The following NEU3 variants were observed in gnomAD, a reference collection of about 807,000 sequenced individuals.
NEU3 encodes the protein sialidase-3.
In NEU3, 10 loss-of-function variants were observed where a neutral mutation model predicts 11.4. The ratio of observed to expected loss-of-function variants is 0.88; its 90% CI spans 0.54 to 1.49. The LOEUF (loss-of-function observed/expected upper bound fraction) is 1.49. NEU3 is among the 40% of genes most tolerant of loss of function. NEU3 has a pLI of 0.00. For missense variants in NEU3, 529 were observed against 581.8 expected (o/e 0.91, Z 0.93); for synonymous variants, 212 against 228.2 (o/e 0.93, Z 0.64).
chr11:74,987,304 TTC>T (rs1948674984), upstream of NEU3, among the ~76,000 whole-genome samples: 1 of 152,196 alleles, frequency 6.6e-6, no homozygotes, highest in Non-Finnish European at 1.5e-5. Context: ...GCAGTCCTTG[TTC>T]TTTTTGATGT....
At chr11:75,014,231 T>G (rs1403256863), downstream of NEU3, among the ~76,000 whole-genome samples, 4 of 152,184 alleles carry the variant, frequency 2.6e-5, no homozygotes, top group Non-Finnish European at 5.9e-5. Context: ...GAATCAGAAA[T>G]GAGAACCTGG....
At chr11:75,018,399 C>T (rs1037115440) in intron 3 of NEU3, among the ~76,000 whole-genome samples, 1 of 152,090 alleles carries the variant, frequency 6.6e-6, no homozygotes, top group African/African-American at 2.4e-5. Flanking sequence ...AAGGCAGACC[C>T]ACTCTTAATC....
At chr11:74,980,531 G>T in the NEU3 span, among the ~76,000 whole-genome samples, 2 of 152,064 alleles carry the variant, frequency 1.3e-5, no homozygotes. Context: ...TTTTCTCCAT[G>T]GTGGAAGTCA....
At chr11:75,004,553 T>C in intron 2 of NEU3, 6 of 447,210 alleles carry the variant, frequency 1.3e-5, no homozygotes, top group Non-Finnish European at 2.4e-5. Flanking sequence ...GTTTTGAAAA[T>C]ATGTTAGGGA....
chr11:75,015,380 T>C (rs1948976361), downstream of NEU3, among the ~76,000 whole-genome samples: 3 of 152,124 alleles, frequency 2.0e-5, no homozygotes, highest in South Asian at 6.2e-4. Flanking sequence ...AATTGCCTAG[T>C]CTAAGGTGTT....
chr11:74,985,358 A>G (rs1036938213), upstream of NEU3, among the ~76,000 whole-genome samples: 7 of 152,172 alleles, frequency 4.6e-5, no homozygotes, highest in Non-Finnish European at 1.0e-4. Context: ...AGAAGTTACT[A>G]CTACCTGGAA....
At chr11:74,991,679 C>T (rs1312435312) in intron 1 of NEU3, among the ~76,000 whole-genome samples, 1 of 152,232 alleles carries the variant, frequency 6.6e-6, no homozygotes, top group Non-Finnish European at 1.5e-5. Flanking sequence ...CCTTGCACTC[C>T]ACCTTACTGT....
intron 2 of NEU3, among the ~76,000 whole-genome samples, chr11:75,005,047 A>T (rs2140249927): frequency 6.6e-6 from 1 of 152,312 alleles, no homozygotes; most frequent in South Asian, 2.1e-4. Context: ...TAGAAAAGGA[A>T]GACAGTCATA....
At position 74,994,588 on chromosome 11, in the gene NEU3, GAT is replaced by G. The variant is rs1355813521; in HGVS notation, c.175_176del (p.Ile59ProfsTer25). Reference protein sequence around the residue: ...QEDDRGITYRIPALLYIPPTH... With the variant: ...QEDDRGITYRXPALLYIPPTH... Reference sequence around the variant, plus strand: ...AAGATGACAGAGGGATTACCTACCGGATCCCAGCCCTGCTCTACATACCCCCC... The same window carrying G: ...AAGATGACAGAGGGATTACCTACCGGCCCAGCCCTGCTCTACATACCCCCC... On this transcript the variant is annotated frameshift_variant, in exon 2 of 3. Coordinates refer to ENST00000294064, the MANE Select transcript of NEU3 (RefSeq NM_006656.6). LOFTEE classifies it high-confidence loss of function. 5 of 1,613,864 alleles carry G rather than the reference GAT, an allele frequency of 3.1e-6. No individual in the cohort carries two copies. Among genetic ancestry groups the G allele is most frequent in the Non-Finnish European group, 4.2e-6 (5 of 1,179,902 alleles).
downstream of NEU3, among the ~76,000 whole-genome samples, chr11:75,019,723 G>C (rs1948995854): frequency 1.3e-5 from 2 of 152,180 alleles, no homozygotes; most frequent in South Asian, 4.1e-4. Context: ...GGATGTCCAG[G>C]CAGAAGTTTG....
At chr11:74,983,319 A>G (rs1948650140), upstream of NEU3, among the ~76,000 whole-genome samples, 1 of 152,232 alleles carries the variant, frequency 6.6e-6, no homozygotes. Context: ...GGACTACTGC[A>G]GTATAGAGAG....
At chr11:75,004,548 G>C (rs948598064) in intron 2 of NEU3, 1 of 447,550 alleles carries the variant, frequency 2.2e-6, no homozygotes, top group African/African-American at 2.0e-5. Context: ...CTATTGTTTT[G>C]AAAATATGTT....
In NEU3 at chr11:75,005,418, G is replaced by C. The variant is rs1216965688; in HGVS notation, c.312G>C (p.Gly104=). ...TCTCCCTTCTCCTTGTCTAGTGGGG[G>C]CCCCTGAAGCCACTGATGGAAGCCA... The part of the protein sequence containing the change: ...GLRIGQLVQW[G]PLKPLMEATL... The change falls in exon 3 of 3, where the codon GGG becomes GGC. Residue 104 remains glycine (G), a synonymous_variant. Coordinates refer to ENST00000294064, the MANE Select transcript of NEU3 (RefSeq NM_006656.6). 2.5e-6 allele frequency: 4 copies of C among 1,602,600 alleles called. No homozygotes were observed. In the South Asian group the frequency reaches 4.5e-5, roughly 18 times the overall value.
intron 1 of NEU3, among the ~76,000 whole-genome samples, chr11:74,990,909 A>T (rs1298356817): frequency 6.6e-6 from 1 of 152,252 alleles, no homozygotes; most frequent in Non-Finnish European, 1.5e-5. Flanking sequence ...TATCCACAGG[A>T]TTCAAGGAAT....
the NEU3 span, among the ~76,000 whole-genome samples, chr11:74,980,908 A>G: frequency 6.6e-6 from 1 of 152,244 alleles, no homozygotes; most frequent in African/African-American, 2.4e-5. Context: ...TCCTCCTTTC[A>G]GACAACAGTC....
chr11:74,999,801 CTA>C, intron 2 of NEU3, among the ~76,000 whole-genome samples: 1 of 152,316 alleles, frequency 6.6e-6, no homozygotes. Context: ...GGCAGTCAGT[CTA>C]TACAAAATGT....
rs1948898961 is a variant in NEU3 at position 75,006,284 on chromosome 11, C to T, written c.1178C>T (p.Pro393Leu). 4 of 1,613,884 alleles carry T rather than the reference C, an allele frequency of 2.5e-6. No individual in the cohort carries two copies. Among genetic ancestry groups the T allele is most frequent in the Non-Finnish European group, 3.4e-6 (4 of 1,179,900 alleles). ...TTGGAGGCTGCCTGCTGGTCCCGCCCCTGGATCTTGCACTGTGGGCCCTGT... is the reference window on the plus strand; with the variant it reads ...TTGGAGGCTGCCTGCTGGTCCCGCCTCTGGATCTTGCACTGTGGGCCCTGT... ...TPLEAACWSR[P>L]WILHCGPCGY... is the part of the protein sequence containing the mutation. The change falls in exon 3 of 3, where the codon CCC becomes CTC. Residue 393 changes from proline to leucine, a missense_variant. Pro to Leu is a moderately conservative substitution (Grantham distance 98). Coordinates refer to ENST00000294064, the MANE Select transcript of NEU3 (RefSeq NM_006656.6).
At chr11:75,019,433 C>T (rs1948993809), downstream of NEU3, among the ~76,000 whole-genome samples, 1 of 152,230 alleles carries the variant, frequency 6.6e-6, no homozygotes, top group Admixed American at 6.5e-5. Flanking sequence ...TCTTGCGTCC[C>T]AGCTGCTCTA....
intron 3 of NEU3, among the ~76,000 whole-genome samples, chr11:75,016,980 G>A (rs997724635): frequency 7.2e-5 from 11 of 152,152 alleles, no homozygotes; most frequent in Admixed American, 7.2e-4. Context: ...GAACACATCC[G>A]ACCTAGAGCC....
Sources: allele counts gnomAD v4.1 joint callset (sites outside exome capture counted in the v4.1 genomes callset), GRCh38; gene constraint gnomAD v4.1.1; transcripts MANE v1.5; gene names NCBI Gene and HGNC (gene_info 2026-07-23, HGNC 2026-07-21).